Variants in TRIM37 observed in about 807,000 individuals in gnomAD.
TRIM37 encodes the protein tripartite motif containing 37.
A neutral mutation model predicts 129.8 loss-of-function variants in TRIM37; 80 were observed. The observed-to-expected ratio is 0.62, with a 90% CI of 0.51 to 0.74. The LOEUF (loss-of-function observed/expected upper bound fraction) is 0.74, where lower values mean the gene tolerates loss of function less well. Ranked by LOEUF, TRIM37 falls within the 30% of genes least tolerant of loss-of-function variation. The pLI is 0.00. For synonymous variants in TRIM37, 389 were observed against 387.1 expected, an observed-to-expected ratio of 1.00 and a Z score of -0.06; for missense variants, 1,054 against 1,176.5, an observed-to-expected ratio of 0.90 and a Z score of 1.52.
Position 59,051,291 on chromosome 17 carries a change from G to C in TRIM37, c.1237C>G (p.Arg413Gly). The change falls in exon 14 of 24, where the codon CGG becomes GGG. Residue 413 changes from arginine to glycine, a missense_variant. Coordinates refer to ENST00000262294, the MANE Select transcript of TRIM37 (RefSeq NM_015294.6). ...VRSPTFFQKS[R>G]DQHWYITQLE... is the part of the protein sequence containing the mutation. The stretch of plus-strand genomic sequence containing the variant: ...TGAGTAATGTACCAATGCTGGTCCC[G>C]GGATTTTTGAAAGAAAGTTGGTGAA... 6.2e-7 allele frequency: 1 copy of C among 1,613,640 alleles called. No individual in the cohort carries two copies. Among genetic ancestry groups the C allele is most frequent in the Non-Finnish European group, 8.5e-7 (1 of 1,179,818 alleles).
intron 7 of TRIM37, among the ~76,000 whole-genome samples, chr17:59,077,267 CTTT>C (rs757122066): frequency 4.0e-5 from 5 of 124,438 alleles, no homozygotes; most frequent in Admixed American, 8.1e-5. Flanking sequence ...GCTAATTTTT[CTTT>C]TTTTTTTTTT....
the TRIM37 span, chr17:58,969,877 T>C: frequency 1.3e-6 from 1 of 744,950 alleles, no homozygotes; most frequent in South Asian, 1.9e-5. Context: ...TCTGTTGTAG[T>C]TCCAATTCCC....
At chr17:59,040,272 A>AAAATACAATGGAGGGGAACAATAAT (rs1300570860) in intron 17 of TRIM37, among the ~76,000 whole-genome samples, 11 of 152,276 alleles carry the variant, frequency 7.2e-5, no homozygotes, top group African/African-American at 2.6e-4. Flanking sequence ...CCATGCTGTA[A>AAAATACAATGGAGGGGAACAATAAT]AAATACAATG....
chr17:59,015,530 TTCA>T, intron 21 of TRIM37, 77 bp downstream of exon 21: 1 of 1,349,022 alleles, frequency 7.4e-7, no homozygotes, highest in Admixed American at 1.7e-5. Context: ...AATTAATTTG[TTCA>T]TCATGATGCA....
At chr17:58,997,300 C>G (rs555682553), downstream of TRIM37, among the ~76,000 whole-genome samples, 5 of 151,736 alleles carry the variant, frequency 3.3e-5, no homozygotes, top group South Asian at 1.0e-3. Context: ...GAAATTATCT[C>G]AAAATTAAAA....
At chr17:59,025,380 T>G (rs2037121788) in intron 19 of TRIM37, among the ~76,000 whole-genome samples, 1 of 151,100 alleles carries the variant, frequency 6.6e-6, no homozygotes, top group African/African-American at 2.4e-5. Flanking sequence ...GCCATGAATA[T>G]TATTATTAAT....
chr17:58,984,108 G>T (rs1024971575), intron 24 of TRIM37: 2 of 152,630 alleles, frequency 1.3e-5, no homozygotes, highest in Non-Finnish European at 1.5e-5. Flanking sequence ...TTACCTAGAA[G>T]TGCCATCCAT....
chr17:59,022,766 G>T (rs1296846969), intron 19 of TRIM37, among the ~76,000 whole-genome samples: 3 of 152,096 alleles, frequency 2.0e-5, no homozygotes, highest in Non-Finnish European at 2.9e-5. Context: ...AATTTCTTTA[G>T]TAAGAAATAC....
Position 59,081,115 on chromosome 17 carries a change from G to T in TRIM37, c.474C>A (p.Ile158=). Residue 158 remains isoleucine, a synonymous_variant, in exon 6 of 24, where the codon ATC becomes ATA. Transcript: ENST00000262294. ...AKLRRRLMEL[I]SLVQEVERNV... ...GTCTTACCACTTCTTGAACTAAGCT[G>T]ATCAGTTCCATGAGACGCCGACGAA... 1.4e-5 allele frequency: 23 copies of T among 1,613,092 alleles called. No homozygotes were observed. The highest frequency in any genetic ancestry group is 2.0e-5 in the Non-Finnish European group (23 of 1,179,434).
chr17:58,988,852 A>G (rs1024392010), intron 24 of TRIM37, among the ~76,000 whole-genome samples: 6 of 152,200 alleles, frequency 3.9e-5, no homozygotes, highest in Non-Finnish European at 8.8e-5. Context: ...TCTTGAACCA[A>G]GCACAACTCC....
chr17:59,073,629 T>A (rs1396620840), intron 8 of TRIM37, among the ~76,000 whole-genome samples: 3 of 152,204 alleles, frequency 2.0e-5, no homozygotes, highest in Admixed American at 2.0e-4. Flanking sequence ...CTTGCTATAC[T>A]TCCCAGGCGA....
At chr17:59,083,485 A>T (rs1034588855) in intron 5 of TRIM37, among the ~76,000 whole-genome samples, 2 of 152,158 alleles carry the variant, frequency 1.3e-5, no homozygotes, top group Non-Finnish European at 2.9e-5. Context: ...CTTTAAAATA[A>T]AAAAGCTGCT....
the TRIM37 span, chr17:58,972,107 CTA>C: frequency 4.4e-6 from 7 of 1,600,052 alleles, no homozygotes; most frequent in Non-Finnish European, 6.0e-6. Flanking sequence ...TTCACTGAGT[CTA>C]GTTTTATTTA....
At chr17:59,029,255 C>T (rs1487879645) in intron 18 of TRIM37, among the ~76,000 whole-genome samples, 1 of 152,124 alleles carries the variant, frequency 6.6e-6, no homozygotes, top group Non-Finnish European at 1.5e-5. Context: ...TAGTGACACC[C>T]TATCTGTACA....
chr17:59,063,897 T>C (rs2041712200), intron 10 of TRIM37, among the ~76,000 whole-genome samples: 1 of 152,228 alleles, frequency 6.6e-6, no homozygotes, highest in Admixed American at 6.5e-5. Flanking sequence ...CTAATGCCTA[T>C]AATTCCAGCA....
chr17:58,999,485 T>A (rs28369458), intron 23 of TRIM37, 26 bp from the exon 24 acceptor site: 48 of 1,562,166 alleles, frequency 3.1e-5, no homozygotes, highest in Non-Finnish European at 4.0e-5. Context: ...AAATAAAAAA[T>A]TTAAAATTTA....
intron 8 of TRIM37, among the ~76,000 whole-genome samples, chr17:59,074,744 A>C (rs2042663022): frequency 6.6e-6 from 1 of 152,248 alleles, no homozygotes; most frequent in Non-Finnish European, 1.5e-5. Flanking sequence ...TAAGGCATAG[A>C]GAGAAATTAC....
chr17:59,042,430 TTAAAAAAAAAA>T lies in TRIM37; in HGVS notation c.1668-543_1668-533del, dbSNP rs750606755. Among the ~76,000 whole-genome samples, 312 of 92,056 alleles carry T rather than the reference TTAAAAAAAAAA, an allele frequency of 3.4e-3. 10 individuals are homozygous for T. The highest frequency in any genetic ancestry group is 4.4e-3 in the Non-Finnish European group (224 of 51,324). 60.4% of individuals were successfully genotyped at this position (92,056 alleles called of 152,430 possible). ...TTAGAAAGCTAAGAAAAAAAGGAAT[TTAAAAAAAAAA>T]AAAAAAAAATATATATATATATATA... On this transcript the variant is annotated intron_variant, in intron 16 of 23. Transcript: ENST00000262294.
downstream of TRIM37, among the ~76,000 whole-genome samples, chr17:58,994,852 C>T (rs144848766): frequency 5.6e-4 from 85 of 151,582 alleles, 2 homozygotes; most frequent in East Asian, 0.015. Flanking sequence ...CGGGTTTAAG[C>T]GATTCTCCTG....
Sources: allele counts gnomAD v4.1 joint callset (sites outside exome capture counted in the v4.1 genomes callset), GRCh38; gene constraint gnomAD v4.1.1; transcripts MANE v1.5; gene names NCBI Gene and HGNC (gene_info 2026-07-23, HGNC 2026-07-21).